Variants in DCUN1D2 observed in about 807,000 individuals in gnomAD.
DCUN1D2 encodes DCN1-like protein 2.
DCUN1D2 carries 29 observed loss-of-function variants against 30.9 expected under a neutral mutation model. That is an observed-to-expected ratio of 0.94 (90% CI 0.70 to 1.28). DCUN1D2 has a LOEUF of 1.28. Ranked by LOEUF, DCUN1D2 falls within the 50% of genes most tolerant of loss-of-function variation. The pLI, the probability that DCUN1D2 is intolerant of heterozygous loss-of-function variation, is 0.00. For missense variants in DCUN1D2, 325 were observed against 316.9 expected, an observed-to-expected ratio of 1.03 and a Z score of -0.19; for synonymous variants, 121 against 115.3, an observed-to-expected ratio of 1.05 and a Z score of -0.32.
chr13:113,480,441 C>T, intron 3 of DCUN1D2, 134 bp downstream of exon 3: 2 of 864,238 alleles, frequency 2.3e-6, no homozygotes, highest in East Asian at 5.2e-5. Context: ...GCGGAGAGTA[C>T]AGACGCATAA....
intron 6 of DCUN1D2, 102 bp from the exon 7 acceptor site, chr13:113,458,210 A>C: frequency 7.2e-6 from 7 of 973,626 alleles, no homozygotes; most frequent in Non-Finnish European, 9.8e-6. Flanking sequence ...AAGAACCCAA[A>C]TGACTTGAGG....
At chr13:113,472,465 G>A (rs1010615716) in intron 4 of DCUN1D2, among the ~76,000 whole-genome samples, 10 of 152,182 alleles carry the variant, frequency 6.6e-5, no homozygotes, top group African/African-American at 1.9e-4. Context: ...GCAGCCTGCC[G>A]TGCAGACAGG....
chr13:113,460,010 C>T (rs920703802), intron 5 of DCUN1D2, among the ~76,000 whole-genome samples: 25 of 152,336 alleles, frequency 1.6e-4, no homozygotes, highest in Admixed American at 1.0e-3. Flanking sequence ...CGCACAAGAG[C>T]GTGAGGTTCT....
At chr13:113,483,530 C>G (rs1433357371) in intron 2 of DCUN1D2, among the ~76,000 whole-genome samples, 1 of 152,232 alleles carries the variant, frequency 6.6e-6, no homozygotes, top group Non-Finnish European at 1.5e-5. Context: ...CACCAAGCCT[C>G]CCAGCAGCAG....
Position 113,483,133 on chromosome 13 carries a change from C to T in DCUN1D2, c.220+707G>A, listed in dbSNP as rs546701810. ...AAATAAGTCAGCTCTTAGACTGCTG[C>T]CTGTCCCTCTGCATTGGACATGAAA... is the stretch of plus-strand genomic sequence containing the variant. On this transcript the variant is annotated intron_variant, in intron 2 of 6. Coordinates refer to ENST00000478244, the MANE Select transcript of DCUN1D2 (RefSeq NM_001014283.2). Among the ~76,000 whole-genome samples, 8 of 152,282 alleles carry T rather than the reference C, an allele frequency of 5.3e-5. 1 individual carries two copies. The South Asian group carries it at 1.7e-3, about 32-fold the overall frequency.
rs1188328003 is a variant in DCUN1D2 at position 113,471,720 on chromosome 13, C to T, written c.520+2404G>A. On this transcript the variant is annotated intron_variant, in intron 4 of 6. Coordinates refer to ENST00000478244, the MANE Select transcript of DCUN1D2 (RefSeq NM_001014283.2). Reference sequence around the variant, plus strand: ...TTATCATCATTCTGTTTGACAATAACGATCTACGCCAGAAGAAAGTGGAGC... The same window carrying T: ...TTATCATCATTCTGTTTGACAATAATGATCTACGCCAGAAGAAAGTGGAGC... Among the ~76,000 whole-genome samples, 3 of 152,160 alleles carry T rather than the reference C, an allele frequency of 2.0e-5. No individual in the cohort carries two copies. In the East Asian group the frequency reaches 5.8e-4, roughly 29 times the overall value.
chr13:113,458,507 CA>C (rs1235340239), intron 6 of DCUN1D2, among the ~76,000 whole-genome samples: 1 of 152,256 alleles, frequency 6.6e-6, no homozygotes, highest in Non-Finnish European at 1.5e-5. Context: ...GGGACCACCC[CA>C]TTGCTCCCTT....
In DCUN1D2 at chr13:113,483,918, G is replaced by A. The variant is rs769990422; in HGVS notation, c.142C>T (p.Pro48Ser). ...ATGGACTCCCTGTGGAGCGAGTCTGGGTTTTGGAAGAAGCTGTCCGTGGCC... is the reference window on the plus strand; with the variant it reads ...ATGGACTCCCTGTGGAGCGAGTCTGAGTTTTGGAAGAAGCTGTCCGTGGCC... The part of the protein sequence containing the change: ...DEATDSFFQN[P>S]DSLHRESMRN... Residue 48 changes from proline (P) to serine (S), a missense_variant, in exon 2 of 7, where the codon CCA becomes TCA. Physicochemically the swap from Pro to Ser is moderately conservative, Grantham distance 74. Coordinates refer to ENST00000478244, the MANE Select transcript of DCUN1D2 (RefSeq NM_001014283.2). 3 of 1,613,918 alleles carry A rather than the reference G, an allele frequency of 1.9e-6. No individual in the cohort carries two copies. The East Asian group carries it at 6.7e-5, about 36-fold the overall frequency.
At position 113,474,142 on chromosome 13, in the gene DCUN1D2, G is replaced by A. The variant is rs1237952598; in HGVS notation, c.502C>T (p.Pro168Ser). The A allele has an allele frequency of 6.2e-7, 1 of 1,613,864 alleles. No homozygotes were observed. Among genetic ancestry groups the A allele is most frequent in the Admixed American group, 1.7e-5 (1 of 59,998 alleles). ...YQFTFTFAKNPGQKGLDLEMA... is the reference protein window; with the variant it reads ...YQFTFTFAKNSGQKGLDLEMA... ...TACTCACCTAAACCTTTCTGCCCTG[G>A]GTTCTTAGCGAAGGTGAAGGTAAAC... is the stretch of plus-strand genomic sequence containing the variant. Residue 168 changes from proline (P) to serine (S), a missense_variant, in exon 4 of 7, where the codon CCA (proline) becomes TCA (serine). Transcript: ENST00000478244.
At chr13:113,459,598 T>TATTTATTTGGAC in intron 5 of DCUN1D2, 190 bp from the exon 6 acceptor site, 1 of 439,152 alleles carries the variant, frequency 2.3e-6, no homozygotes, top group Admixed American at 3.8e-5. Context: ...TGTCCAAATA[T>TATTTATTTGGAC]AGAAAGCAGA....
rs2044536055 is a variant in DCUN1D2 at position 113,472,420 on chromosome 13, A to G, written c.520+1704T>C. ...GGCTTCTTGGAGAAAAAGCGAATAC[A>G]GGTCTGGGGTAGAAGGTGACTGGAC... On this transcript the variant is annotated intron_variant, in intron 4 of 6. Coordinates refer to ENST00000478244, the MANE Select transcript of DCUN1D2 (RefSeq NM_001014283.2). Among the ~76,000 whole-genome samples, 5 of 152,334 alleles carry G rather than the reference A, an allele frequency of 3.3e-5. No individual in the cohort carries two copies. The South Asian group carries it at 1.0e-3, about 32-fold the overall frequency.
Position 113,490,022 on chromosome 13 carries a change from G to C in DCUN1D2, c.3+645C>G, listed in dbSNP as rs1016393774. The stretch of plus-strand genomic sequence containing the variant: ...GCTGGCCTCTGAACCGATGTGGACT[G>C]AATAAATCCCATCCATCACCATTTC... On this transcript the variant is annotated intron_variant, in intron 1 of 6. Transcript: ENST00000478244. This position sits in a 1 kb window ranked among gnomAD's most constrained non-coding sequence, Gnocchi z 5.2. Among the ~76,000 whole-genome samples, 3 of 152,120 alleles carry C rather than the reference G, an allele frequency of 2.0e-5. No homozygotes were observed. The highest frequency in any genetic ancestry group is 7.2e-5 in the African/African-American group (3 of 41,414).
chr13:113,460,183 G>C (rs1447084611), intron 5 of DCUN1D2, among the ~76,000 whole-genome samples: 3 of 152,230 alleles, frequency 2.0e-5, no homozygotes, highest in Non-Finnish European at 2.9e-5. Flanking sequence ...CCACAGGACT[G>C]AGTGACGTCA....
intron 2 of DCUN1D2, among the ~76,000 whole-genome samples, chr13:113,482,261 T>C (rs764315864): frequency 1.1e-4 from 16 of 152,326 alleles, no homozygotes; most frequent in Middle Eastern, 3.4e-3. Context: ...CTGAGTATAA[T>C]TGCATGAATA....
chr13:113,485,715 G>A (rs149117280), intron 1 of DCUN1D2, among the ~76,000 whole-genome samples: 31 of 151,862 alleles, frequency 2.0e-4, no homozygotes, highest in Admixed American at 2.0e-4. Context: ...ACCAGAGGAC[G>A]ATTCTGCAGA....
chr13:113,462,113 G>T (rs138458441), intron 4 of DCUN1D2, among the ~76,000 whole-genome samples: 3,652 of 152,060 alleles, frequency 0.024, 97 homozygotes, highest in East Asian at 0.12. Context: ...TTAGCTGGGC[G>T]TGGTGGCTCA....
chr13:113,485,114 A>G (rs1222655737), intron 1 of DCUN1D2, among the ~76,000 whole-genome samples: 1 of 152,028 alleles, frequency 6.6e-6, no homozygotes, highest in East Asian at 1.9e-4. Flanking sequence ...TAAATAAAGT[A>G]ACCTGATAAA....
In DCUN1D2 at chr13:113,457,954, G is replaced by T; in HGVS notation, c.*75C>A. The T allele has an allele frequency of 1.5e-6, 2 of 1,338,984 alleles. No individual in the cohort carries two copies. Among genetic ancestry groups the T allele is most frequent in the Non-Finnish European group, 2.1e-6 (2 of 933,816 alleles). The allele number at this position is 1,338,984 out of a possible 1,614,324, so 82.9% of individuals were successfully genotyped here. On this transcript the variant is annotated 3_prime_UTR_variant, in exon 7 of 7. Transcript: ENST00000478244. ...AATGACTTCTGGAATCAGCGACAAT[G>T]CACCCAGGAACTGACTGCAATCTCC...
At chr13:113,490,743 C>A, upstream of DCUN1D2, 2 of 1,156,488 alleles carry the variant, frequency 1.7e-6, no homozygotes, top group South Asian at 3.9e-5. The surrounding 1 kb of genome is among the most constrained non-coding windows in gnomAD (Gnocchi z 5.2). Context: ...CCCTCGTCCT[C>A]GGACGGCCGC....
Sources: allele counts gnomAD v4.1 joint callset (sites outside exome capture counted in the v4.1 genomes callset), GRCh38; gene constraint gnomAD v4.1.1; non-coding constraint Gnocchi (gnomAD v3.1); transcripts MANE v1.5; gene names NCBI Gene and HGNC (gene_info 2026-07-23, HGNC 2026-07-21).